Variants in ABAT observed in about 807,000 individuals in gnomAD.
ABAT encodes the protein 4-aminobutyrate aminotransferase, also known as 4-aminobutyrate aminotransferase, mitochondrial.
In ABAT, 45 loss-of-function variants were observed where a neutral mutation model predicts 64.6. The ratio of observed to expected loss-of-function variants is 0.70; its 90% CI spans 0.55 to 0.89. ABAT has a LOEUF of 0.89. Among genes scored for constraint, ABAT ranks in the 40% least tolerant of loss-of-function variants. The pLI is 0.00. For synonymous variants in ABAT, 297 were observed against 250.5 expected (o/e 1.19, Z -1.75); for missense variants, 633 against 658.4 (o/e 0.96, Z 0.42).
At chr16:8,715,685 G>C (rs2058197755) in intron 1 of ABAT, 1 of 148,980 alleles carries the variant, frequency 6.7e-6, no homozygotes, top group African/African-American at 2.5e-5. Context: ...GGATAAGTGG[G>C]AATATCTGAA....
At chr16:8,768,081 G>A (rs2059997178) in intron 9 of ABAT, 112 bp from the exon 10 acceptor site, 2 of 1,193,244 alleles carry the variant, frequency 1.7e-6, no homozygotes, top group African/African-American at 1.5e-5. Context: ...TGCCTGAGAA[G>A]GATTCCTGGT....
chr16:8,755,740 A>C (rs913080913), intron 5 of ABAT, among the ~76,000 whole-genome samples: 1 of 145,172 alleles, frequency 6.9e-6, no homozygotes, highest in African/African-American at 2.6e-5. Flanking sequence ...GCAAAACCTC[A>C]TATCTACTAA....
chr16:8,719,815 C>T (rs939751292), intron 1 of ABAT, among the ~76,000 whole-genome samples: 17 of 152,128 alleles, frequency 1.1e-4, no homozygotes, highest in African/African-American at 3.1e-4. Context: ...TTTGTTTACT[C>T]GTTTACTTAT....
chr16:8,766,664 AAAAAAC>A lies in ABAT; in HGVS notation c.603+411_603+416del, dbSNP rs564325512. ...AGTGAGACTCCTCTCAAAACAAACAAAAAAACAAAAACAAAAACAAAAGGCCGGCTG... is the reference window on the plus strand; with the variant it reads ...AGTGAGACTCCTCTCAAAACAAACAAAAAAACAAAAACAAAAGGCCGGCTG... On this transcript the variant is annotated intron_variant, in intron 9 of 15. Transcript: ENST00000268251. Among the ~76,000 whole-genome samples the A allele has an allele frequency of 6.8e-5, 10 of 147,676 alleles. No individual in the cohort carries two copies. The East Asian group carries it at 8.2e-4, about 12-fold the overall frequency.
chr16:8,717,255 A>C (rs1397468147), intron 1 of ABAT, among the ~76,000 whole-genome samples: 1 of 152,232 alleles, frequency 6.6e-6, no homozygotes, highest in Non-Finnish European at 1.5e-5. Context: ...GTGCCACTGC[A>C]CTTCAGCCTG....
At chr16:8,771,036 C>T (rs1050134071) in intron 11 of ABAT, among the ~76,000 whole-genome samples, 2 of 152,106 alleles carry the variant, frequency 1.3e-5, no homozygotes, top group African/African-American at 2.4e-5. Context: ...TGGCTCATGC[C>T]TGTAACTGCG....
chr16:8,723,905 A>T lies in ABAT; in HGVS notation c.-41-11794A>T, dbSNP rs1431317961. The stretch of plus-strand genomic sequence containing the variant: ...GCCCAGGCTGGAGTGCAGTGGCATG[A>T]TCTAGGCTCACTGCAACCCCCACCT... On this transcript the variant is annotated intron_variant, in intron 1 of 15. Transcript: ENST00000268251. 3.1e-5 allele frequency among the ~76,000 whole-genome samples: 4 copies of T among 127,218 alleles called. No individual in the cohort carries two copies. In the Admixed American group the frequency reaches 4.0e-4, roughly 13 times the overall value. 83.5% of individuals were successfully genotyped at this position (127,218 alleles called of 152,430 possible).
chr16:8,675,699 T>C (rs2057182287), intron 1 of ABAT, among the ~76,000 whole-genome samples: 1 of 152,078 alleles, frequency 6.6e-6, no homozygotes, highest in African/African-American at 2.4e-5. Flanking sequence ...CCAGGAGTCT[T>C]CAAACTCTGA....
At chr16:8,691,814 G>C (rs1422432412) in intron 1 of ABAT, among the ~76,000 whole-genome samples, 1 of 152,124 alleles carries the variant, frequency 6.6e-6, no homozygotes, top group African/African-American at 2.4e-5. Context: ...AATGCTACTG[G>C]CATCTGGTGG....
intron 1 of ABAT, among the ~76,000 whole-genome samples, chr16:8,679,444 C>T (rs1011698433): frequency 6.6e-6 from 1 of 151,452 alleles, no homozygotes; most frequent in African/African-American, 2.4e-5. Context: ...ACGTGATGAC[C>T]TCAGGCCAGC....
chr16:8,777,121 G>A (rs962001672), intron 14 of ABAT, among the ~76,000 whole-genome samples: 4 of 151,916 alleles, frequency 2.6e-5, no homozygotes, highest in Admixed American at 1.3e-4. Context: ...GGCTGGTCTC[G>A]AACCCCCGAC....
At chr16:8,693,714 C>T (rs1411501220) in intron 1 of ABAT, among the ~76,000 whole-genome samples, 1 of 152,226 alleles carries the variant, frequency 6.6e-6, no homozygotes, top group Non-Finnish European at 1.5e-5. Context: ...AGTGATCTGC[C>T]TGCCTCAGCT....
chr16:8,761,124 C>T (rs1473006229), intron 6 of ABAT, among the ~76,000 whole-genome samples: 1 of 151,846 alleles, frequency 6.6e-6, no homozygotes, highest in Non-Finnish European at 1.5e-5. Context: ...AACAAAGGCC[C>T]AGGGATTCTG....
At chr16:8,729,007 A>C (rs2058639494) in intron 1 of ABAT, among the ~76,000 whole-genome samples, 2 of 152,108 alleles carry the variant, frequency 1.3e-5, no homozygotes, top group South Asian at 4.1e-4. Flanking sequence ...ATGAAGCCTC[A>C]TATCAACAAT....
rs1376561701 is a variant in ABAT, at chr16:8,768,921, T to C, written c.764T>C (p.Leu255Pro). The C allele has an allele frequency of 1.2e-6, 2 of 1,613,982 alleles. No individual in the cohort carries two copies. The highest frequency in any genetic ancestry group is 1.7e-6 in the Non-Finnish European group (2 of 1,180,026). ...IAPFPRLKYPLEEFVKENQQE... is the reference protein window; with the variant it reads ...IAPFPRLKYPPEEFVKENQQE... The stretch of plus-strand genomic sequence containing the variant: ...CCGTTCCCACGGCTGAAATACCCTC[T>C]GGAAGAGTTTGTGAAAGAGAACCAA... The change falls in exon 11 of 16, where the codon CTG becomes CCG. Residue 255 changes from leucine (L) to proline (P), a missense_variant. Coordinates refer to ENST00000268251, the MANE Select transcript of ABAT (RefSeq NM_020686.6).
chr16:8,712,622 C>A (rs2058101518), intron 1 of ABAT, among the ~76,000 whole-genome samples: 1 of 152,154 alleles, frequency 6.6e-6, no homozygotes, highest in African/African-American at 2.4e-5. Context: ...TTTGTGGAGT[C>A]CCCTTTGGCC....
chr16:8,719,166 T>G (rs946353051), intron 1 of ABAT, among the ~76,000 whole-genome samples: 1 of 152,120 alleles, frequency 6.6e-6, no homozygotes, highest in Admixed American at 6.5e-5. Context: ...GAGGAATCTC[T>G]GGGGCTCGGC....
chr16:8,721,627 G>T (rs983214130), intron 1 of ABAT, among the ~76,000 whole-genome samples: 4 of 152,206 alleles, frequency 2.6e-5, no homozygotes, highest in African/African-American at 9.7e-5. Flanking sequence ...TCTATGGAAG[G>T]TCTATTGCAT....
At chr16:8,758,897 T>G (rs531199808) in intron 6 of ABAT, among the ~76,000 whole-genome samples, 183 of 151,252 alleles carry the variant, frequency 1.2e-3, no homozygotes, top group Non-Finnish European at 2.0e-3. Flanking sequence ...AGGTCAGGAG[T>G]TCAAGACCAG....
Sources: allele counts gnomAD v4.1 joint callset (sites outside exome capture counted in the v4.1 genomes callset), GRCh38; gene constraint gnomAD v4.1.1; transcripts MANE v1.5; gene names NCBI Gene and HGNC (gene_info 2026-07-23, HGNC 2026-07-21).